The following TXNDC16 variants were observed in gnomAD, a reference collection of about 807,000 sequenced individuals.
The protein encoded by TXNDC16 is thioredoxin domain-containing protein 16.
A neutral mutation model predicts 85.6 loss-of-function variants in TXNDC16; 74 were observed. The ratio of observed to expected loss-of-function variants is 0.86; its 90% confidence interval spans 0.72 to 1.05. TXNDC16 has a LOEUF of 1.05. TXNDC16 is among the 50% of genes least tolerant of loss of function. The pLI is 0.00. For synonymous variants in TXNDC16, 335 were observed against 326.5 expected (o/e 1.03, Z -0.28); for missense variants, 959 against 947.0 (o/e 1.01, Z -0.17).
chr14:52,514,177 A>C (rs1488534375), intron 8 of TXNDC16, among the ~76,000 whole-genome samples: 2 of 152,118 alleles, frequency 1.3e-5, no homozygotes, highest in African/African-American at 4.8e-5. Flanking sequence ...CCTAGCCTCT[A>C]AATGTAGAGC....
intron 9 of TXNDC16, among the ~76,000 whole-genome samples, chr14:52,496,174 G>C (rs896345198): frequency 4.0e-5 from 6 of 150,774 alleles, no homozygotes; most frequent in African/African-American, 1.5e-4. Context: ...AAAAAAAAAA[G>C]AGACAGATCA....
Position 52,442,910 on chromosome 14 carries a change from G to A in TXNDC16, c.1843-2186C>T, listed in dbSNP as rs185822955. On this transcript the variant is annotated intron_variant, in intron 18 of 20. Coordinates refer to ENST00000281741, the MANE Select transcript of TXNDC16 (RefSeq NM_020784.3). ...GTTCATACTTTAGAAGAGAAGACAG[G>A]TAAGTATACAGACTGCTATAATAAA... Among the ~76,000 whole-genome samples the A allele has an allele frequency of 3.9e-5, 6 of 152,218 alleles. No individual in the cohort carries two copies. In the East Asian group the frequency reaches 1.2e-3, roughly 29 times the overall value.
chr14:52,460,810 C>T (rs1304510604), intron 16 of TXNDC16, among the ~76,000 whole-genome samples: 3 of 152,118 alleles, frequency 2.0e-5, no homozygotes, highest in Non-Finnish European at 2.9e-5. Flanking sequence ...TTATTCAAAA[C>T]GTGAATGAAA....
Position 52,482,366 on chromosome 14 carries a change from C to A in TXNDC16, c.1253-77G>T, listed in dbSNP as rs1229078661. On this transcript the variant is annotated intron_variant, in intron 13 of 20. Transcript: ENST00000281741. ...TCCACACTGATATGTAACAAATATA[C>A]AGATTTATGAGGTTTCCCAAAATTA... 20 of 1,257,698 alleles carry A rather than the reference C, an allele frequency of 1.6e-5. 1 individual carries two copies. Among genetic ancestry groups the A allele is most frequent in the South Asian group, 7.9e-5 (6 of 76,252 alleles). The allele number at this position is 1,257,698 out of a possible 1,614,324, so 77.9% of individuals were successfully genotyped here.
chr14:52,491,625 AG>A (rs1412500483), intron 9 of TXNDC16, among the ~76,000 whole-genome samples: 1 of 152,196 alleles, frequency 6.6e-6, no homozygotes, highest in Non-Finnish European at 1.5e-5. Flanking sequence ...TAATTGATAT[AG>A]AAAAATATTT....
chr14:52,505,785 C>A (rs2140174632), intron 9 of TXNDC16, among the ~76,000 whole-genome samples: 1 of 152,164 alleles, frequency 6.6e-6, no homozygotes, highest in African/African-American at 2.4e-5. Flanking sequence ...AATCCAGGAG[C>A]TGGTTTTTTG....
At chr14:52,529,212 C>G (rs2037414655) in intron 6 of TXNDC16, among the ~76,000 whole-genome samples, 1 of 148,362 alleles carries the variant, frequency 6.7e-6, no homozygotes, top group Non-Finnish European at 1.5e-5. Context: ...TCATTCTCAG[C>G]AAACTATCGC....
At position 52,431,475 on chromosome 14, in the gene TXNDC16, T is replaced by C. The variant is rs2034893755; in HGVS notation, c.*829A>G. ...AGGTAATAATCAGGATAAGACCATCTAATACATATCTTTAATAGCCAAAAT... is the reference window on the plus strand; with the variant it reads ...AGGTAATAATCAGGATAAGACCATCCAATACATATCTTTAATAGCCAAAAT... On this transcript the variant is annotated 3_prime_UTR_variant, in exon 21 of 21. Coordinates refer to ENST00000281741, the MANE Select transcript of TXNDC16 (RefSeq NM_020784.3). The C allele has an allele frequency of 6.6e-6, 1 of 152,208 alleles. No homozygotes were observed. The highest frequency in any genetic ancestry group is 1.5e-5 in the Non-Finnish European group (1 of 68,026). The allele number at this position is 152,208 out of a possible 1,614,324, so 9.4% of individuals were successfully genotyped here. A position where few individuals can be genotyped will look rare whatever the true frequency, so the allele number is the denominator to read the frequency against.
intron 6 of TXNDC16, among the ~76,000 whole-genome samples, chr14:52,530,054 CATT>C (rs1490287520): frequency 1.3e-5 from 1 of 78,974 alleles, no homozygotes; most frequent in Non-Finnish European, 2.2e-5. Flanking sequence ...TTTATTTATA[CATT>C]ATATTTATAT....
intron 14 of TXNDC16, among the ~76,000 whole-genome samples, chr14:52,478,409 A>G (rs2036066771): frequency 6.6e-6 from 1 of 152,158 alleles, no homozygotes; most frequent in South Asian, 2.1e-4. Flanking sequence ...GCAAAGAAAA[A>G]TAAAACTGAT....
Position 52,514,973 on chromosome 14 carries a change from GAA to G in TXNDC16, c.515-5_515-4del. On this transcript the variant is annotated splice_region_variant and splice_polypyrimidine_tract_variant and intron_variant, in intron 7 of 20. Transcript: ENST00000281741. ...GGCTTCCATGACTGCTCTGTGCTCT[GAA>G]GAAGAGATAAAGGGAGTTGGAAGAC... The G allele has an allele frequency of 3.1e-6, 5 of 1,607,576 alleles. No homozygotes were observed. The highest frequency in any genetic ancestry group is 4.3e-6 in the Non-Finnish European group (5 of 1,176,410).
At position 52,470,032 on chromosome 14, in the gene TXNDC16, C is replaced by CT; in HGVS notation, c.1618+4dup. On this transcript the variant is annotated splice_donor_region_variant and intron_variant, in intron 16 of 20. Transcript: ENST00000281741. ...TGTATAATTTAAAAGCTCAGCTCTG[C>CT]TTACCTGTTTTCATGGTTGGACTAA... The CT allele has an allele frequency of 3.1e-6, 5 of 1,603,882 alleles. No individual in the cohort carries two copies. Among genetic ancestry groups the CT allele is most frequent in the Non-Finnish European group, 4.2e-6 (5 of 1,176,632 alleles).
intron 6 of TXNDC16, among the ~76,000 whole-genome samples, chr14:52,533,758 C>T (rs2037636335): frequency 6.6e-6 from 1 of 152,134 alleles, no homozygotes; most frequent in African/African-American, 2.4e-5. Context: ...CAAGGAGTCC[C>T]AAACAACAGG....
At chr14:52,534,101 G>C (rs112855635) in intron 6 of TXNDC16, among the ~76,000 whole-genome samples, 3 of 152,260 alleles carry the variant, frequency 2.0e-5, no homozygotes, top group African/African-American at 7.2e-5. Flanking sequence ...GATCAGGCCT[G>C]AAAGATCACA....
chr14:52,457,636 C>G (rs1419850037), intron 16 of TXNDC16, among the ~76,000 whole-genome samples: 1 of 152,128 alleles, frequency 6.6e-6, no homozygotes, highest in Non-Finnish European at 1.5e-5. Flanking sequence ...AGCCCTCTAA[C>G]AGTGTCTGTG....
chr14:52,528,911 C>T lies in TXNDC16; in HGVS notation c.392+7808G>A, dbSNP rs141627617. 4.7e-3 allele frequency among the ~76,000 whole-genome samples: 690 copies of T among 146,326 alleles called. 11 individuals carry two copies. Among genetic ancestry groups the T allele is most frequent in the African/African-American group, 0.017 (664 of 40,218 alleles). Reference sequence around the variant, plus strand: ...CTATAATACCTATTATATATATTATCTATAATACCTATTATATATTGTCTA... The same window carrying T: ...CTATAATACCTATTATATATATTATTTATAATACCTATTATATATTGTCTA... On this transcript the variant is annotated intron_variant, in intron 6 of 20. Coordinates refer to ENST00000281741, the MANE Select transcript of TXNDC16 (RefSeq NM_020784.3).
Position 52,470,633 on chromosome 14 carries a change from C to T in TXNDC16, c.1360G>A (p.Asp454Asn), listed in dbSNP as rs61746814. Residue 454 changes from aspartate to asparagine, a missense_variant, in exon 15 of 21, where the codon GAT becomes AAT. Coordinates refer to ENST00000281741, the MANE Select transcript of TXNDC16 (RefSeq NM_020784.3). ...LTRINCADWS[D>N]VCTKQNVTEF... ...GTAACATTTTGCTTAGTACATACAT[C>T]AGACCAATCTGCACAGTTTATTCTA... 3,968 of 1,613,702 alleles carry T rather than the reference C, an allele frequency of 2.5e-3. 81 individuals are homozygous for T. The African/African-American group carries it at 0.046, about 19-fold the overall frequency.
At chr14:52,444,317 C>T (rs2035232008) in intron 18 of TXNDC16, among the ~76,000 whole-genome samples, 1 of 152,072 alleles carries the variant, frequency 6.6e-6, no homozygotes, top group Non-Finnish European at 1.5e-5. Flanking sequence ...ACCCTATTTC[C>T]TAACAGGAAA....
intron 9 of TXNDC16, among the ~76,000 whole-genome samples, chr14:52,501,090 T>A (rs562245354): frequency 1.3e-5 from 2 of 152,298 alleles, no homozygotes; most frequent in South Asian, 4.1e-4. Context: ...AACAACTCCA[T>A]ATCTGGCAGA....
Sources: gnomAD v4.1 joint callset for allele counts (sites outside exome capture counted in the v4.1 genomes callset) on GRCh38, gnomAD v4.1.1 for gene constraint, MANE v1.5 for transcripts, NCBI Gene and HGNC (gene_info 2026-07-23, HGNC 2026-07-21) for gene names.